The following IRAG1 variants were observed in gnomAD, a reference collection of about 807,000 sequenced individuals.
IRAG1 encodes IP3R-associated cGMP kinase substrate.
IRAG1 carries 62 observed loss-of-function variants against 106.2 expected under a neutral mutation model. The ratio of observed to expected loss-of-function variants is 0.58; its 90% confidence interval spans 0.48 to 0.72. IRAG1 has a LOEUF of 0.72. IRAG1 is among the 30% of genes least tolerant of loss of function. The pLI is 0.00. For synonymous variants in IRAG1, 462 were observed against 443.9 expected (o/e 1.04, Z -0.51); for missense variants, 1,064 against 1,140.7 (o/e 0.93, Z 0.97).
In IRAG1 at chr11:10,603,269, CA is replaced by C. The variant is rs1854184147; in HGVS notation, c.1744-19del. On this transcript the variant is annotated intron_variant, in intron 13 of 20. Transcript: ENST00000423302. ...GCTGAGGACTGAACAGGAGTAGGAG[CA>C]TCACCTGGGGTCCTCAAATAATGTT... is the stretch of plus-strand genomic sequence containing the variant. The C allele has an allele frequency of 6.2e-7, 1 of 1,612,622 alleles. No individual in the cohort carries two copies. The highest frequency in any genetic ancestry group is 8.5e-7 in the Non-Finnish European group (1 of 1,179,442).
chr11:10,625,944 C>T, intron 9 of IRAG1, 22 bp downstream of exon 9: 12 of 1,456,778 alleles, frequency 8.2e-6, no homozygotes, highest in Non-Finnish European at 1.1e-5. Flanking sequence ...ACACTCTGCC[C>T]AACTGGCCCC....
chr11:10,653,053 C>T (rs1048768698), intron 1 of IRAG1, among the ~76,000 whole-genome samples: 1 of 152,142 alleles, frequency 6.6e-6, no homozygotes, highest in South Asian at 2.1e-4. Flanking sequence ...TCATCCACCT[C>T]CCACAGTGAC....
chr11:10,683,096 T>C (rs1861390584), intron 1 of IRAG1, among the ~76,000 whole-genome samples: 2 of 152,172 alleles, frequency 1.3e-5, no homozygotes, highest in South Asian at 4.1e-4. Context: ...AGTAACAAAG[T>C]ACACTTCCTT....
chr11:10,575,357 T>G lies in IRAG1; in HGVS notation c.*975A>C, dbSNP rs1482660983. 1 of 152,234 alleles carries G rather than the reference T, an allele frequency of 6.6e-6. No homozygotes were observed. 9.4% of individuals were successfully genotyped at this position (152,234 alleles called of 1,614,324 possible). ...CACATCTTCTCTCCTCATTCACCTG[T>G]GAGGTGGGTTAACTGTTTTCAAAGA... is the stretch of plus-strand genomic sequence containing the variant. On this transcript the variant is annotated 3_prime_UTR_variant, in exon 21 of 21. Coordinates refer to ENST00000423302, the MANE Select transcript of IRAG1 (RefSeq NM_130385.4).
At chr11:10,592,353 T>C (rs973407297) in intron 17 of IRAG1, among the ~76,000 whole-genome samples, 7 of 152,228 alleles carry the variant, frequency 4.6e-5, no homozygotes, top group African/African-American at 1.2e-4. Flanking sequence ...AGGCAAAGTA[T>C]GGGAAATAGA....
chr11:10,586,793 A>G (rs1852056259), intron 18 of IRAG1, among the ~76,000 whole-genome samples: 1 of 148,616 alleles, frequency 6.7e-6, no homozygotes, highest in Non-Finnish European at 1.5e-5. Flanking sequence ...TATGTTTTAG[A>G]TACCTGCATA....
At chr11:10,645,870 G>A (rs1857899403) in intron 2 of IRAG1, among the ~76,000 whole-genome samples, 1 of 152,140 alleles carries the variant, frequency 6.6e-6, no homozygotes, top group South Asian at 2.1e-4. Flanking sequence ...AGTATTGCGA[G>A]AATTAAATGA....
intron 1 of IRAG1, among the ~76,000 whole-genome samples, chr11:10,687,002 G>A (rs567819553): frequency 3.2e-3 from 493 of 152,320 alleles, no homozygotes; most frequent in African/African-American, 0.011. Context: ...AAAATTCATC[G>A]CCGCAGAAAC....
intron 10 of IRAG1, chr11:10,611,638 T>C (rs553562413): frequency 6.6e-6 from 1 of 152,248 alleles, no homozygotes; most frequent in South Asian, 2.1e-4. Flanking sequence ...GAAAAGGCAA[T>C]AGTCTTTAAA....
rs1862235980 is a variant in IRAG1 at position 10,693,675 on chromosome 11, G to A, written c.-73C>T. ...TCTGGCTGCAGAACCTCGGCCGCAC[G>A]CCTCCTCTGAGAGGGGCTGGGACTT... is the stretch of plus-strand genomic sequence containing the variant. On this transcript the variant is annotated 5_prime_UTR_variant, in exon 1 of 21. Coordinates refer to ENST00000423302, the MANE Select transcript of IRAG1 (RefSeq NM_130385.4). 5 of 1,492,776 alleles carry A rather than the reference G, an allele frequency of 3.3e-6. No homozygotes were observed. Among genetic ancestry groups the A allele is most frequent in the Admixed American group, 2.0e-5 (1 of 50,718 alleles). 92.5% of individuals were successfully genotyped at this position (1,492,776 alleles called of 1,614,324 possible).
chr11:10,594,868 T>A (rs76445976), intron 15 of IRAG1, among the ~76,000 whole-genome samples: 3,949 of 152,312 alleles, frequency 0.026, 72 homozygotes, highest in Middle Eastern at 0.048. Context: ...CTCTTTCATA[T>A]CCATATATTT....
intron 10 of IRAG1, among the ~76,000 whole-genome samples, chr11:10,611,243 A>G (rs1591605131): frequency 1.3e-5 from 2 of 152,202 alleles, no homozygotes; most frequent in African/African-American, 2.4e-5. Context: ...ATGAGATTCA[A>G]CTAGAAGTTC....
chr11:10,600,533 C>T (rs930811883), intron 15 of IRAG1, among the ~76,000 whole-genome samples: 1 of 152,212 alleles, frequency 6.6e-6, no homozygotes, highest in Non-Finnish European at 1.5e-5. Context: ...TAATGCTTTC[C>T]AGAATAAAGC....
chr11:10,664,876 C>T (rs1403826940), intron 1 of IRAG1, among the ~76,000 whole-genome samples: 1 of 152,194 alleles, frequency 6.6e-6, no homozygotes, highest in Non-Finnish European at 1.5e-5. Flanking sequence ...CAGAGCACAG[C>T]TAAGAGCCAG....
At chr11:10,591,428 C>T in intron 18 of IRAG1, 120 bp downstream of exon 18, 1 of 922,666 alleles carries the variant, frequency 1.1e-6, no homozygotes, top group South Asian at 1.5e-5. Flanking sequence ...CCATTCATTT[C>T]CCTTAAAACT....
intron 12 of IRAG1, 79 bp downstream of exon 12, chr11:10,606,663 G>C: frequency 1.4e-6 from 2 of 1,405,864 alleles, no homozygotes; most frequent in South Asian, 1.3e-5. Flanking sequence ...GTCAGAGCTA[G>C]AGTCTGGAGG....
At chr11:10,673,610 C>T (rs1860424162) in intron 1 of IRAG1, among the ~76,000 whole-genome samples, 1 of 151,882 alleles carries the variant, frequency 6.6e-6, no homozygotes, top group African/African-American at 2.4e-5. Flanking sequence ...ATACTAAAAT[C>T]CACTGAATTG....
intron 12 of IRAG1, 86 bp from the exon 13 acceptor site, chr11:10,604,631 T>G: frequency 6.6e-7 from 1 of 1,521,656 alleles, no homozygotes; most frequent in Non-Finnish European, 9.0e-7. Context: ...CACGAGCGTT[T>G]TGCAACGGCC....
Position 10,626,135 on chromosome 11 carries a change from T to G in IRAG1, c.1199A>C (p.Glu400Ala). The G allele has an allele frequency of 6.5e-7, 1 of 1,538,364 alleles. No individual in the cohort carries two copies. Among genetic ancestry groups the G allele is most frequent in the Non-Finnish European group, 8.8e-7 (1 of 1,141,922 alleles). Residue 400 changes from glutamate to alanine, a missense_variant, in exon 9 of 21, where the codon GAA becomes GCA. Coordinates refer to ENST00000423302, the MANE Select transcript of IRAG1 (RefSeq NM_130385.4). The part of the protein sequence containing the change: ...LRGLSWDSGP[E>A]EPGPRLQKVL... Reference sequence around the variant, plus strand: ...TTTCTGCAGCCGGGGGCCAGGTTCTTCAGGGCCACTGTCCCAGGAGAGCCC... The same window carrying G: ...TTTCTGCAGCCGGGGGCCAGGTTCTGCAGGGCCACTGTCCCAGGAGAGCCC...
Sources: gnomAD v4.1 joint callset for allele counts (sites outside exome capture counted in the v4.1 genomes callset) on GRCh38, gnomAD v4.1.1 for gene constraint, MANE v1.5 for transcripts, NCBI Gene and HGNC (gene_info 2026-07-23, HGNC 2026-07-21) for gene names.